ART3: variants seen among roughly 807,000 people sequenced by gnomAD.
ART3 encodes ecto-ADP-ribosyltransferase 3.
A neutral mutation model predicts 48.5 loss-of-function variants in ART3; 49 were observed. That is an observed-to-expected ratio of 1.01 (90% confidence interval 0.80 to 1.28). ART3 has a LOEUF of 1.28. Among genes scored for constraint, ART3 ranks in the 50% most tolerant of loss-of-function variants. The probability of loss-of-function intolerance (pLI) is 0.00; values close to 1 mark genes in which losing one functional copy is unlikely to be tolerated. For synonymous variants in ART3, 145 were observed against 157.2 expected, an observed-to-expected ratio of 0.92 and a Z score of 0.58; for missense variants, 438 against 454.3, an observed-to-expected ratio of 0.96 and a Z score of 0.33.
chr4:76,018,525 A>G (rs188472044), intron 1 of ART3, among the ~76,000 whole-genome samples: 98 of 152,272 alleles, frequency 6.4e-4, no homozygotes, highest in African/African-American at 2.4e-3. Context: ...TCTATACACC[A>G]TACCCCCACA....
chr4:76,097,750 T>A, intron 4 of ART3, 74 bp downstream of exon 4: 1 of 1,209,788 alleles, frequency 8.3e-7, no homozygotes. Flanking sequence ...GGGTCAGAGC[T>A]ACCCCACCAC....
At chr4:76,013,296 GGTA>G (rs1268870959) in intron 1 of ART3, among the ~76,000 whole-genome samples, 1 of 152,162 alleles carries the variant, frequency 6.6e-6, no homozygotes, top group Non-Finnish European at 1.5e-5. Flanking sequence ...AAGGGTGGAC[GGTA>G]GAGTGAATAA....
chr4:76,037,811 C>T (rs763266031), intron 1 of ART3, among the ~76,000 whole-genome samples: 4 of 152,006 alleles, frequency 2.6e-5, no homozygotes, highest in African/African-American at 9.7e-5. Context: ...CAAGAATTTT[C>T]TCCTATTTCC....
chr4:76,076,748 T>C (rs1173805717), intron 2 of ART3, among the ~76,000 whole-genome samples: 3 of 152,192 alleles, frequency 2.0e-5, no homozygotes, highest in Non-Finnish European at 4.4e-5. Context: ...TTTCCCACAT[T>C]TTTTTTCTGG....
intron 11 of ART3, among the ~76,000 whole-genome samples, chr4:76,110,110 ATT>A (rs5859493): frequency 0.14 from 20,584 of 151,156 alleles, 1,670 homozygotes; most frequent in East Asian, 0.39. Flanking sequence ...AAAAACATTT[ATT>A]TTTTTTTTAT....
intron 1 of ART3, among the ~76,000 whole-genome samples, chr4:76,036,492 A>G (rs1423490736): frequency 6.6e-6 from 1 of 152,122 alleles, no homozygotes; most frequent in Non-Finnish European, 1.5e-5. Flanking sequence ...AAACTCTTAT[A>G]ATAGATAAGG....
rs562826043 is a variant in ART3 at position 76,100,136 on chromosome 4, T to C, written c.848-155T>C. On this transcript the variant is annotated intron_variant, in intron 5 of 11. Coordinates refer to ENST00000355810, the MANE Select transcript of ART3 (RefSeq NM_001130016.3). The stretch of plus-strand genomic sequence containing the variant: ...CATTAGCCAAGGTACATTTAGACTG[T>C]GACCGACAACTTAAGTTTAGTAGGG... Among the ~76,000 whole-genome samples, 247 of 151,480 alleles carry C rather than the reference T, an allele frequency of 1.6e-3. 1 individual carries two copies. Among genetic ancestry groups the C allele is most frequent in the African/African-American group, 5.8e-3 (237 of 40,760 alleles).
chr4:76,040,956 A>T (rs1391153391), intron 1 of ART3, among the ~76,000 whole-genome samples: 2 of 152,126 alleles, frequency 1.3e-5, no homozygotes, highest in Non-Finnish European at 2.9e-5. Flanking sequence ...TCTTCCTCCC[A>T]GTGTTCCTGC....
At chr4:76,038,440 T>C (rs987541210) in intron 1 of ART3, among the ~76,000 whole-genome samples, 2 of 152,186 alleles carry the variant, frequency 1.3e-5, no homozygotes, top group African/African-American at 4.8e-5. Context: ...GGGGCTACTG[T>C]ATTTTAATTA....
At chr4:76,036,088 A>T in intron 1 of ART3, 5 of 1,066,456 alleles carry the variant, frequency 4.7e-6, no homozygotes, top group Non-Finnish European at 7.1e-6. Flanking sequence ...GAAATTGATA[A>T]TTGGCATATA....
rs1005738328 is a variant in ART3 at position 76,104,347 on chromosome 4, A to G, written c.971-250A>G. 13 of 985,212 alleles carry G rather than the reference A, an allele frequency of 1.3e-5. No homozygotes were observed. In the Admixed American group the frequency reaches 6.2e-4, roughly 47 times the overall value. The allele number at this position is 985,212 out of a possible 1,614,324, so 61.0% of individuals were successfully genotyped here. On this transcript the variant is annotated intron_variant, in intron 9 of 11. Transcript: ENST00000355810. Reference sequence around the variant, plus strand: ...CTAACATCTCATTGCCTGTATCTCCAGGTAACAAAACACGATATTCTCCTG... The same window carrying G: ...CTAACATCTCATTGCCTGTATCTCCGGGTAACAAAACACGATATTCTCCTG...
chr4:76,041,466 G>A (rs1734968252), intron 1 of ART3: 1 of 151,868 alleles, frequency 6.6e-6, no homozygotes, highest in Admixed American at 6.6e-5. Flanking sequence ...TTTATACTTT[G>A]TAGAACTTAC....
intron 1 of ART3, among the ~76,000 whole-genome samples, chr4:76,047,127 G>A (rs576590992): frequency 4.6e-5 from 7 of 152,096 alleles, no homozygotes; most frequent in Admixed American, 2.0e-4. Flanking sequence ...GGACATGGAC[G>A]AGGGGGCAGC....
chr4:76,046,293 T>C (rs1453886294), intron 1 of ART3, among the ~76,000 whole-genome samples: 1 of 152,042 alleles, frequency 6.6e-6, no homozygotes, highest in African/African-American at 2.4e-5. Flanking sequence ...TCCAGAACCG[T>C]GAACCATTCT....
chr4:76,043,664 T>C, intron 1 of ART3, among the ~76,000 whole-genome samples: 1 of 151,910 alleles, frequency 6.6e-6, no homozygotes, highest in Middle Eastern at 3.4e-3. Context: ...CACTGGCGCC[T>C]GTCCCTCCAC....
intron 1 of ART3, among the ~76,000 whole-genome samples, chr4:76,067,328 G>A (rs6830137): frequency 2.0e-5 from 3 of 152,184 alleles, no homozygotes; most frequent in South Asian, 4.1e-4. Context: ...GAAGATGCCC[G>A]CCAAGGGCAA....
exon 1 of ART3, chr4:76,011,228 A>T (rs905030928): frequency 6.6e-6 from 1 of 152,454 alleles, no homozygotes; most frequent in Non-Finnish European, 1.5e-5. Flanking sequence ...GGAGGTCTCG[A>T]CGCTCGCTCG....
In ART3 at chr4:76,081,980, A is replaced by G. The variant is rs1360129089; in HGVS notation, c.226A>G (p.Lys76Glu). 1 of 1,614,230 alleles carries G rather than the reference A, an allele frequency of 6.2e-7. No individual in the cohort carries two copies. Among genetic ancestry groups the G allele is most frequent in the South Asian group, 1.1e-5 (1 of 91,088 alleles). ...TACTGTGTGGGAAAATGCAAAAGCC[A>G]AATGGGCAGCCCGAAAGACTCAAAT... ...LDTVWENAKA[K>E]WAARKTQIFL... Residue 76 changes from lysine to glutamate, a missense_variant, in exon 3 of 12, where the codon AAA becomes GAA. By Grantham distance (56) the Lys-to-Glu change is moderately conservative. Transcript: ENST00000355810.
At chr4:76,038,419 G>T (rs993479783) in intron 1 of ART3, among the ~76,000 whole-genome samples, 3 of 152,156 alleles carry the variant, frequency 2.0e-5, no homozygotes, top group Non-Finnish European at 4.4e-5. Context: ...ATCCCCCAAG[G>T]ATAAGGTGAG....
Sources: allele counts gnomAD v4.1 joint callset (sites outside exome capture counted in the v4.1 genomes callset), GRCh38; gene constraint gnomAD v4.1.1; transcripts MANE v1.5; gene names NCBI Gene and HGNC (gene_info 2026-07-23, HGNC 2026-07-21).